The following CCSER1 variants were observed in gnomAD, a reference collection of about 807,000 sequenced individuals.
CCSER1 encodes the protein serine-rich coiled-coil domain-containing protein 1.
In CCSER1, 41 loss-of-function variants were observed where a neutral mutation model predicts 82.0. The ratio of observed to expected loss-of-function variants is 0.50; its 90% CI spans 0.39 to 0.65. The LOEUF (loss-of-function observed/expected upper bound fraction) is 0.65. Among genes scored for constraint, CCSER1 ranks in the 30% least tolerant of loss-of-function variants. The probability of loss-of-function intolerance (pLI) is 0.00; values close to 1 mark genes in which losing one functional copy is unlikely to be tolerated. For missense variants in CCSER1, 1,119 were observed against 1,064.2 expected (o/e 1.05, Z -0.72); for synonymous variants, 414 against 383.9 (o/e 1.08, Z -0.92).
At chr4:90,482,482 C>A (rs913493165) in intron 5 of CCSER1, among the ~76,000 whole-genome samples, 1 of 152,196 alleles carries the variant, frequency 6.6e-6, no homozygotes. Context: ...AATTTTAGAT[C>A]TTTCCTGCTT....
At chr4:90,964,882 G>A (rs1263219071) in intron 9 of CCSER1, among the ~76,000 whole-genome samples, 3 of 151,996 alleles carry the variant, frequency 2.0e-5, no homozygotes, top group Non-Finnish European at 4.4e-5. Context: ...AGCAAACATT[G>A]TGTTATTTTA....
At chr4:90,827,842 G>A (rs983435001) in intron 8 of CCSER1, among the ~76,000 whole-genome samples, 1 of 152,080 alleles carries the variant, frequency 6.6e-6, no homozygotes, top group African/African-American at 2.4e-5. Context: ...ATGTGCACCA[G>A]AACATTGCAG....
At chr4:90,201,389 A>G (rs1737676013) in intron 1 of CCSER1, among the ~76,000 whole-genome samples, 1 of 152,026 alleles carries the variant, frequency 6.6e-6, no homozygotes. Flanking sequence ...AAGATGTTAT[A>G]TAATTGAGTA....
At chr4:90,306,526 C>T (rs1337166810) in intron 1 of CCSER1, among the ~76,000 whole-genome samples, 5 of 151,930 alleles carry the variant, frequency 3.3e-5, no homozygotes, top group African/African-American at 1.2e-4. Flanking sequence ...GAAAAATCAT[C>T]CATCAAAAAT....
chr4:90,997,313 T>C (rs1341226002), intron 9 of CCSER1, among the ~76,000 whole-genome samples: 1 of 152,112 alleles, frequency 6.6e-6, no homozygotes, highest in Non-Finnish European at 1.5e-5. Context: ...TCTTGCTTCT[T>C]TCTCTCACCT....
chr4:91,560,402 T>A (rs2110251189), intron 10 of CCSER1, among the ~76,000 whole-genome samples: 1 of 151,694 alleles, frequency 6.6e-6, no homozygotes, highest in East Asian at 1.9e-4. Flanking sequence ...TGATTAGTAA[T>A]TAAATGTTGA....
chr4:90,850,653 G>A (rs1000174806), intron 8 of CCSER1, among the ~76,000 whole-genome samples: 10 of 152,172 alleles, frequency 6.6e-5, no homozygotes, highest in African/African-American at 1.2e-4. Context: ...TGGAATGGAC[G>A]CATTTACCCA....
chr4:90,379,314 G>A (rs1025254520), intron 3 of CCSER1, among the ~76,000 whole-genome samples: 4 of 152,202 alleles, frequency 2.6e-5, no homozygotes, highest in African/African-American at 9.7e-5. Context: ...TATACGGGAT[G>A]TTTTTAAGGT....
chr4:91,511,236 A>G (rs1018593384), intron 10 of CCSER1, among the ~76,000 whole-genome samples: 1 of 152,124 alleles, frequency 6.6e-6, no homozygotes, highest in East Asian at 1.9e-4. Context: ...GCTTTATAGT[A>G]TAGTCTAAAG....
At chr4:91,141,520 A>G (rs1255170216) in intron 10 of CCSER1, among the ~76,000 whole-genome samples, 4 of 152,036 alleles carry the variant, frequency 2.6e-5, no homozygotes, top group African/African-American at 4.8e-5. Flanking sequence ...TCTTTATCCA[A>G]TCCACTACTG....
intron 10 of CCSER1, among the ~76,000 whole-genome samples, chr4:91,212,281 T>C (rs1736879189): frequency 6.6e-6 from 1 of 151,996 alleles, no homozygotes; most frequent in Non-Finnish European, 1.5e-5. Flanking sequence ...TTGTTCTTAA[T>C]TGTAAAATTG....
intron 10 of CCSER1, among the ~76,000 whole-genome samples, chr4:91,093,302 C>G (rs1724166129): frequency 6.6e-6 from 1 of 152,220 alleles, no homozygotes; most frequent in Non-Finnish European, 1.5e-5. Context: ...AAGATCGAGT[C>G]TGCTAGAATA....
intron 10 of CCSER1, among the ~76,000 whole-genome samples, chr4:91,464,986 A>G (rs1756784951): frequency 6.6e-6 from 1 of 152,228 alleles, no homozygotes; most frequent in Non-Finnish European, 1.5e-5. Flanking sequence ...AATTGAACTC[A>G]GCTCTGCACC....
chr4:90,591,586 G>A (rs1579338392), intron 5 of CCSER1, among the ~76,000 whole-genome samples: 1 of 152,128 alleles, frequency 6.6e-6, no homozygotes, highest in Non-Finnish European at 1.5e-5. Flanking sequence ...TCTATTGATG[G>A]GAGTCTAAAT....
intron 5 of CCSER1, among the ~76,000 whole-genome samples, chr4:90,585,584 A>G (rs1579307128): frequency 6.6e-6 from 1 of 152,196 alleles, no homozygotes. Context: ...TACTTTGCCT[A>G]TAACTAGAAT....
At chr4:91,375,087 G>C (rs1363193407) in intron 10 of CCSER1, among the ~76,000 whole-genome samples, 1 of 152,138 alleles carries the variant, frequency 6.6e-6, no homozygotes, top group African/African-American at 2.4e-5. Context: ...AAACCTTCTG[G>C]AAAGGACTAA....
chr4:90,912,189 G>A (rs1459986231), intron 8 of CCSER1, among the ~76,000 whole-genome samples: 4 of 152,226 alleles, frequency 2.6e-5, no homozygotes, highest in Admixed American at 6.5e-5. Context: ...TCCCCAAGTG[G>A]ATCCCTGACC....
intron 9 of CCSER1, among the ~76,000 whole-genome samples, chr4:91,048,936 G>A (rs1293229111): frequency 1.3e-5 from 2 of 152,044 alleles, no homozygotes; most frequent in African/African-American, 4.8e-5. Flanking sequence ...GGCATAACAA[G>A]GGATTAGATA....
chr4:91,371,341 C>T (rs1049206460), intron 10 of CCSER1, among the ~76,000 whole-genome samples: 1 of 152,038 alleles, frequency 6.6e-6, no homozygotes, highest in African/African-American at 2.4e-5. Context: ...CTCTGCTAAC[C>T]ATCTTTCTAC....
Sources: allele counts gnomAD v4.1 joint callset (sites outside exome capture counted in the v4.1 genomes callset), GRCh38; gene constraint gnomAD v4.1.1; transcripts MANE v1.5; gene names NCBI Gene and HGNC (gene_info 2026-07-23, HGNC 2026-07-21).